TEAD1: variants seen among roughly 807,000 people sequenced by gnomAD.
TEAD1 encodes the protein transcriptional enhancer factor TEF-1.
Under a neutral mutation model 54.9 loss-of-function variants are expected in TEAD1, and 9 were observed. That is an observed-to-expected ratio of 0.16 (90% CI 0.10 to 0.29). The LOEUF (loss-of-function observed/expected upper bound fraction) is 0.29. TEAD1 is among the 10% of genes least tolerant of loss of function. The probability of loss-of-function intolerance (pLI) is 1.00; values close to 1 mark genes in which losing one functional copy is unlikely to be tolerated. For missense variants in TEAD1, 387 were observed against 535.9 expected (o/e 0.72, Z 2.74); for synonymous variants, 200 against 187.8 (o/e 1.07, Z -0.53).
chr11:12,734,255 A>G lies in TEAD1; in HGVS notation c.-54-29924A>G, dbSNP rs142865411. Reference sequence around the variant, plus strand: ...AAAAGTAAAAAATAAGAAAAGAAAAAAAATTTTAAGTAGAAAGCTTATAGA... The same window carrying G: ...AAAAGTAAAAAATAAGAAAAGAAAAGAAATTTTAAGTAGAAAGCTTATAGA... On this transcript the variant is annotated intron_variant, in intron 2 of 12. Coordinates refer to ENST00000527636, the MANE Select transcript of TEAD1 (RefSeq NM_021961.6). Among the ~76,000 whole-genome samples, 91 of 152,316 alleles carry G rather than the reference A, an allele frequency of 6.0e-4. 1 individual carries two copies. Among genetic ancestry groups the G allele is most frequent in the African/African-American group, 2.0e-3 (82 of 41,576 alleles).
chr11:12,898,415 G>A (rs1279042309), intron 9 of TEAD1, among the ~76,000 whole-genome samples: 1 of 144,832 alleles, frequency 6.9e-6, no homozygotes, highest in East Asian at 2.1e-4. Flanking sequence ...TTTTTTTTGA[G>A]ACGGAGTATC....
At chr11:12,859,603 G>A (rs957114752) in intron 3 of TEAD1, among the ~76,000 whole-genome samples, 4 of 152,210 alleles carry the variant, frequency 2.6e-5, no homozygotes, top group Non-Finnish European at 5.9e-5. Context: ...GGGGATATTG[G>A]TAGTTCTCAA....
chr11:12,818,123 CA>C (rs1280598932), intron 3 of TEAD1, among the ~76,000 whole-genome samples: 16 of 152,336 alleles, frequency 1.1e-4, no homozygotes, highest in African/African-American at 3.1e-4. Context: ...AGCCAATAAC[CA>C]TTAGACACCT....
At chr11:12,687,506 T>TA (rs1365620903) in intron 2 of TEAD1, among the ~76,000 whole-genome samples, 8 of 152,242 alleles carry the variant, frequency 5.3e-5, no homozygotes. Context: ...ACCAGTTCTT[T>TA]ATCTGTGTGA....
intron 2 of TEAD1, among the ~76,000 whole-genome samples, chr11:12,705,529 C>T (rs1245631443): frequency 2.6e-5 from 4 of 152,010 alleles, no homozygotes; most frequent in Non-Finnish European, 5.9e-5. Context: ...TGAGTTTATG[C>T]CAGGCAAACA....
chr11:12,848,765 G>A (rs2134046941), intron 3 of TEAD1: 1 of 151,932 alleles, frequency 6.6e-6, no homozygotes, highest in African/African-American at 2.4e-5. Flanking sequence ...GGGCAACACA[G>A]TGAGACCCCA....
intron 2 of TEAD1, among the ~76,000 whole-genome samples, chr11:12,720,175 G>A (rs1018022502): frequency 6.6e-6 from 1 of 151,272 alleles, no homozygotes; most frequent in African/African-American, 2.4e-5. Context: ...ACTACTTTAT[G>A]GATCAATTTG....
chr11:12,732,134 C>T (rs888665128), intron 2 of TEAD1, among the ~76,000 whole-genome samples: 6 of 151,816 alleles, frequency 4.0e-5, no homozygotes, highest in Admixed American at 2.0e-4. Context: ...TATTAAATTT[C>T]GACCTTATTA....
intron 2 of TEAD1, among the ~76,000 whole-genome samples, chr11:12,687,798 G>C (rs759006128): frequency 6.6e-6 from 1 of 152,092 alleles, no homozygotes; most frequent in Non-Finnish European, 1.5e-5. Flanking sequence ...CTCCCCTGTG[G>C]TTTCAGTCCT....
intron 3 of TEAD1, among the ~76,000 whole-genome samples, chr11:12,802,956 G>T (rs1402292028): frequency 2.6e-5 from 4 of 152,092 alleles, no homozygotes; most frequent in Non-Finnish European, 5.9e-5. Context: ...TTGAGTTGGC[G>T]GCATGCCTGT....
chr11:12,679,028 A>G (rs987768802), intron 2 of TEAD1, among the ~76,000 whole-genome samples: 1 of 152,184 alleles, frequency 6.6e-6, no homozygotes, highest in Non-Finnish European at 1.5e-5. Flanking sequence ...GATTTTTTGC[A>G]TAGTTGAGAG....
At chr11:12,885,952 A>C (rs755330553) in intron 9 of TEAD1, among the ~76,000 whole-genome samples, 9 of 152,240 alleles carry the variant, frequency 5.9e-5, no homozygotes, top group Non-Finnish European at 1.3e-4. Context: ...TATAATGCCT[A>C]GCAGGGGAGA....
chr11:12,683,630 G>T (rs1047935798), intron 2 of TEAD1, among the ~76,000 whole-genome samples: 1 of 152,100 alleles, frequency 6.6e-6, no homozygotes. Context: ...GTTGGGAGTA[G>T]GTTGTTAGAA....
At chr11:12,813,074 G>A (rs1029020662) in intron 3 of TEAD1, among the ~76,000 whole-genome samples, 1 of 152,164 alleles carries the variant, frequency 6.6e-6, no homozygotes, top group Non-Finnish European at 1.5e-5. Flanking sequence ...GACGTGGCCT[G>A]GGAGGGCAAG....
intron 2 of TEAD1, among the ~76,000 whole-genome samples, chr11:12,735,094 A>C (rs116823669): frequency 0.01 from 1,577 of 152,330 alleles, 29 homozygotes; most frequent in African/African-American, 0.037. Flanking sequence ...ATTGACAAGA[A>C]TCTGGGGCCG....
intron 2 of TEAD1, among the ~76,000 whole-genome samples, chr11:12,700,184 C>T (rs536428909): frequency 6.6e-6 from 1 of 152,258 alleles, no homozygotes; most frequent in African/African-American, 2.4e-5. Context: ...GATAAATTAG[C>T]ATCACCCATT....
intron 2 of TEAD1, among the ~76,000 whole-genome samples, chr11:12,719,459 A>G (rs1280599893): frequency 6.6e-6 from 1 of 151,880 alleles, no homozygotes; most frequent in Non-Finnish European, 1.5e-5. Flanking sequence ...GCTCAGCCAC[A>G]GTCCCTAACC....
chr11:12,877,513 G>T (rs900374522), intron 5 of TEAD1, among the ~76,000 whole-genome samples: 1 of 152,146 alleles, frequency 6.6e-6, no homozygotes, highest in African/African-American at 2.4e-5. Context: ...ACAAAAATTA[G>T]CCGGGCATGG....
chr11:12,851,123 C>T (rs568741346), intron 3 of TEAD1: 20 of 975,856 alleles, frequency 2.0e-5, no homozygotes, highest in African/African-American at 5.3e-5. Context: ...ATTTATTGAG[C>T]GAGACACGGA....
Sources: allele counts gnomAD v4.1 joint callset (sites outside exome capture counted in the v4.1 genomes callset), GRCh38; gene constraint gnomAD v4.1.1; transcripts MANE v1.5; gene names NCBI Gene and HGNC (gene_info 2026-07-23, HGNC 2026-07-21).